The following CDH7 variants were observed in gnomAD, a reference collection of about 807,000 sequenced individuals.
CDH7 encodes cadherin-7.
In CDH7, 25 loss-of-function variants were observed where a neutral mutation model predicts 71.8. The ratio of observed to expected loss-of-function variants is 0.35; its 90% confidence interval spans 0.25 to 0.49. The LOEUF (loss-of-function observed/expected upper bound fraction) is 0.49, where lower values mean the gene tolerates loss of function less well. CDH7 is among the 20% of genes least tolerant of loss of function. The pLI is 0.99. For synonymous variants in CDH7, 381 were observed against 363.8 expected (o/e 1.05, Z -0.54); for missense variants, 862 against 974.6 (o/e 0.88, Z 1.54).
In CDH7 at chr18:65,882,287, G is replaced by T. The variant is rs1464264736; in HGVS notation, c.*1393G>T. On this transcript the variant is annotated 3_prime_UTR_variant, in exon 12 of 12. Transcript: ENST00000397968. ...GAGCTTGTTAGAGTATGACTTTCAT[G>T]ACCAAAATGATGTTTCTACCTATTA... The T allele has an allele frequency of 1.3e-5, 2 of 152,064 alleles. No homozygotes were observed. Among genetic ancestry groups the T allele is most frequent in the Non-Finnish European group, 2.9e-5 (2 of 67,978 alleles). The allele number at this position is 152,064 out of a possible 1,614,324, so 9.4% of individuals were successfully genotyped here. A position where few individuals can be genotyped will look rare whatever the true frequency, so the allele number is the denominator to read the frequency against.
Position 65,882,023 on chromosome 18 carries a change from G to T in CDH7, c.*1129G>T, listed in dbSNP as rs556002755. Reference sequence around the variant, plus strand: ...CAAGAATTATTTTTCAAGATCATGAGTTCTACATGCTCCAAAGACGATTTC... The same window carrying T: ...CAAGAATTATTTTTCAAGATCATGATTTCTACATGCTCCAAAGACGATTTC... On this transcript the variant is annotated 3_prime_UTR_variant, in exon 12 of 12. Transcript: ENST00000397968. The T allele has an allele frequency of 1.9e-5, 2 of 104,310 alleles. No homozygotes were observed. Among genetic ancestry groups the T allele is most frequent in the Admixed American group, 1.2e-4 (1 of 8,444 alleles). 6.5% of individuals were successfully genotyped at this position (104,310 alleles called of 1,614,324 possible). A position where few individuals can be genotyped will look rare whatever the true frequency, so the allele number is the denominator to read the frequency against.
intron 11 of CDH7, among the ~76,000 whole-genome samples, chr18:65,869,936 C>A (rs1420567965): frequency 1.3e-5 from 2 of 151,874 alleles, no homozygotes; most frequent in East Asian, 3.9e-4. Flanking sequence ...TTTCTATTTC[C>A]CAAGACGCTA....
In CDH7 at chr18:65,777,703, A is replaced by T. The variant is rs192835925; in HGVS notation, c.210+14651A>T. Among the ~76,000 whole-genome samples the T allele has an allele frequency of 2.2e-3, 330 of 152,236 alleles. 1 individual carries two copies. The highest frequency in any genetic ancestry group is 3.6e-3 in the Non-Finnish European group (247 of 68,024). The stretch of plus-strand genomic sequence containing the variant: ...GAGTATAATTACTACTCACCAAATT[A>T]TAACTATTATGTAATTTTTAAATTT... On this transcript the variant is annotated intron_variant, in intron 2 of 11. Transcript: ENST00000397968.
At chr18:65,822,291 T>G in intron 5 of CDH7, 43 bp downstream of exon 5, 1 of 1,484,234 alleles carries the variant, frequency 6.7e-7, no homozygotes, top group Non-Finnish European at 9.4e-7. Flanking sequence ...TAACTTTCCC[T>G]GAAAGTCTAT....
At chr18:65,870,922 T>A (rs1438127569) in intron 11 of CDH7, among the ~76,000 whole-genome samples, 1 of 152,210 alleles carries the variant, frequency 6.6e-6, no homozygotes, top group Non-Finnish European at 1.5e-5. Flanking sequence ...AGAGACAATA[T>A]TTTTAATCCA....
At chr18:65,834,973 A>G (rs574441525) in intron 6 of CDH7, among the ~76,000 whole-genome samples, 2 of 152,214 alleles carry the variant, frequency 1.3e-5, no homozygotes, top group African/African-American at 4.8e-5. Context: ...TGGGTCAGTA[A>G]TTTGGCCTGG....
At chr18:65,846,587 C>G (rs1366143036) in intron 7 of CDH7, among the ~76,000 whole-genome samples, 1 of 152,096 alleles carries the variant, frequency 6.6e-6, no homozygotes, top group African/African-American at 2.4e-5. Flanking sequence ...CTGCATTTGT[C>G]TCTCACATAC....
chr18:65,874,837 T>A (rs1230924952), intron 11 of CDH7, among the ~76,000 whole-genome samples: 1 of 152,116 alleles, frequency 6.6e-6, no homozygotes, highest in Non-Finnish European at 1.5e-5. Context: ...ATTCTGCTAT[T>A]TCTGGGTGCC....
chr18:65,888,051 G>A lies in CDH7; in HGVS notation c.*7157G>A, dbSNP rs975867000. Reference sequence around the variant, plus strand: ...TGAAAATCCAGTTCATTTAACCTTGGAAATGAGACATGAAGCATAAAACCT... The same window carrying A: ...TGAAAATCCAGTTCATTTAACCTTGAAAATGAGACATGAAGCATAAAACCT... On this transcript the variant is annotated 3_prime_UTR_variant, in exon 12 of 12. Transcript: ENST00000397968. 3 of 152,076 alleles carry A rather than the reference G, an allele frequency of 2.0e-5. No individual in the cohort carries two copies. The highest frequency in any genetic ancestry group is 7.2e-5 in the African/African-American group (3 of 41,420). The allele number at this position is 152,076 out of a possible 1,614,324, so 9.4% of individuals were successfully genotyped here. A position where few individuals can be genotyped will look rare whatever the true frequency, so the allele number is the denominator to read the frequency against.
At chr18:65,850,570 C>T (rs1568219056) in intron 7 of CDH7, among the ~76,000 whole-genome samples, 1 of 149,040 alleles carries the variant, frequency 6.7e-6, no homozygotes, top group Non-Finnish European at 1.5e-5. Context: ...TTCACATTCC[C>T]TGCAGAGGTT....
Position 65,859,728 on chromosome 18 carries a change from T to C in CDH7, c.1515T>C (p.Ala505=). 1 of 1,606,864 alleles carries C rather than the reference T, an allele frequency of 6.2e-7. No homozygotes were observed. ...QPGQVIQKIS[A]VDKDEPSNGH... ...CCTAGGTTATCCAGAAAATCAGTGC[T>C]GTGGATAAAGATGAGCCATCCAATG... The change falls in exon 10 of 12, where the codon GCT becomes GCC. Residue 505 remains alanine, a synonymous_variant. Coordinates refer to ENST00000397968, the MANE Select transcript of CDH7 (RefSeq NM_004361.5).
At chr18:65,830,104 A>G (rs1003854482) in intron 6 of CDH7, among the ~76,000 whole-genome samples, 2 of 152,168 alleles carry the variant, frequency 1.3e-5, no homozygotes, top group African/African-American at 4.8e-5. Flanking sequence ...TCACCTGTGC[A>G]GAGACTTCAC....
chr18:65,810,073 T>G, intron 3 of CDH7, 75 bp downstream of exon 3: 2 of 1,227,394 alleles, frequency 1.6e-6, no homozygotes, highest in Non-Finnish European at 2.2e-6. Flanking sequence ...AAATCATCAT[T>G]AAGTACTGAA....
At chr18:65,802,899 T>C (rs4334398) in intron 2 of CDH7, among the ~76,000 whole-genome samples, 90,441 of 151,878 alleles carry the variant, frequency 0.6, 28,853 homozygotes, top group East Asian at 0.97. Flanking sequence ...TCGGTGAACA[T>C]GAAGCTCTAA....
chr18:65,818,316 A>G (rs552946206), intron 4 of CDH7, among the ~76,000 whole-genome samples: 1 of 152,300 alleles, frequency 6.6e-6, no homozygotes, highest in Admixed American at 6.5e-5. Flanking sequence ...TGGGTTTATT[A>G]CAATTGGTGA....
intron 7 of CDH7, among the ~76,000 whole-genome samples, chr18:65,844,521 T>G (rs1025221883): frequency 6.6e-6 from 1 of 152,102 alleles, no homozygotes; most frequent in Non-Finnish European, 1.5e-5. Flanking sequence ...TTGTTCAGTT[T>G]AATATTTCCA....
At chr18:65,848,739 G>A (rs1358635020) in intron 7 of CDH7, among the ~76,000 whole-genome samples, 1 of 151,826 alleles carries the variant, frequency 6.6e-6, no homozygotes, top group Non-Finnish European at 1.5e-5. Flanking sequence ...ATGAAGACAG[G>A]AAAACAAAAA....
rs188347092 is a variant in CDH7, at chr18:65,762,941, A to G, written c.99A>G (p.Arg33=). 8.9e-5 allele frequency: 143 copies of G among 1,613,712 alleles called. No homozygotes were observed. The East Asian group carries it at 2.0e-3, about 23-fold the overall frequency. ...GTCAAGCAGAACTCTCAAGGTCCAG[A>G]TCAAAGCCCTATTTCCAATCAGGGA... ...GMSQAELSRS[R]SKPYFQSGRS... The change falls in exon 2 of 12, where the codon AGA becomes AGG. Residue 33 remains arginine, a synonymous_variant. Coordinates refer to ENST00000397968, the MANE Select transcript of CDH7 (RefSeq NM_004361.5).
intron 3 of CDH7, among the ~76,000 whole-genome samples, chr18:65,813,369 T>G (rs1911610613): frequency 6.6e-6 from 1 of 152,072 alleles, no homozygotes; most frequent in African/African-American, 2.4e-5. Context: ...ACTTCAGGAT[T>G]TAAAGAATAG....
Sources: gnomAD v4.1 joint callset for allele counts (sites outside exome capture counted in the v4.1 genomes callset) on GRCh38, gnomAD v4.1.1 for gene constraint, MANE v1.5 for transcripts, NCBI Gene and HGNC (gene_info 2026-07-23, HGNC 2026-07-21) for gene names.